The following TTYH3 variants were observed in gnomAD, a reference collection of about 807,000 sequenced individuals.
The protein encoded by TTYH3 is tweety family member 3.
In TTYH3, 23 loss-of-function variants were observed where a neutral mutation model predicts 68.2. The ratio of observed to expected loss-of-function variants is 0.34; its 90% CI spans 0.24 to 0.48. The LOEUF is 0.48. Among genes scored for constraint, TTYH3 ranks in the 20% least tolerant of loss-of-function variants. The pLI, the probability that TTYH3 is intolerant of heterozygous loss-of-function variation, is 0.99. For synonymous variants in TTYH3, 360 were observed against 332.8 expected (o/e 1.08, Z -0.89); for missense variants, 768 against 727.7 (o/e 1.06, Z -0.64).
At chr7:2,657,395 ATGG>A (rs768827730) in intron 11 of TTYH3, among the ~76,000 whole-genome samples, 17 of 141,576 alleles carry the variant, frequency 1.2e-4, no homozygotes, top group Middle Eastern at 3.6e-3. Context: ...GATGGTGATG[ATGG>A]TGGTGGTGGT....
chr7:2,655,666 G>A (rs983901283), intron 9 of TTYH3, among the ~76,000 whole-genome samples: 5 of 152,242 alleles, frequency 3.3e-5, no homozygotes, highest in Non-Finnish European at 7.3e-5. Flanking sequence ...ACAGGACTGC[G>A]CTCACTCTGC....
Position 2,656,613 on chromosome 7 carries a change from G to A in TTYH3, c.1250+79G>A, listed in dbSNP as rs1178058151. 3 of 1,515,418 alleles carry A rather than the reference G, an allele frequency of 2.0e-6. No individual in the cohort carries two copies. The African/African-American group carries it at 4.2e-5, about 21-fold the overall frequency. 93.9% of individuals were successfully genotyped at this position (1,515,418 alleles called of 1,614,324 possible). A position where few individuals can be genotyped will look rare whatever the true frequency, so the allele number is the denominator to read the frequency against. On this transcript the variant is annotated intron_variant, in intron 11 of 13. Coordinates refer to ENST00000258796, the MANE Select transcript of TTYH3 (RefSeq NM_025250.3). ...GACACTTCAGGGGCATGCCTTTATG[G>A]ACACCCATGTGCCAGTCCCAGAGGT...
In TTYH3 at chr7:2,635,920, G is replaced by C. The variant is rs569806325; in HGVS notation, c.123+3642G>C. On this transcript the variant is annotated intron_variant, in intron 1 of 13. Transcript: ENST00000258796. The stretch of plus-strand genomic sequence containing the variant: ...GCAGGTGCAAAGGCCCTGAGGCAGA[G>C]AGAAGCTTGAGCCTCGGGGAGAGGC... Among the ~76,000 whole-genome samples the C allele has an allele frequency of 2.3e-3, 358 of 152,346 alleles. 2 individuals are homozygous for C. Among genetic ancestry groups the C allele is most frequent in the African/African-American group, 8.2e-3 (341 of 41,582 alleles).
At position 2,661,688 on chromosome 7, in the gene TTYH3, C is replaced by G; in HGVS notation, c.1521C>G (p.Ala507=). The change falls in exon 14 of 14, where the codon GCC becomes GCG. Residue 507 remains alanine (A), a synonymous_variant. Coordinates refer to ENST00000258796, the MANE Select transcript of TTYH3 (RefSeq NM_025250.3). ...PPPSYTSSMR[A]KYLATSQPRP... ...TCCAGTACACCTCCAGCATGAGAGC[C>G]AAATACCTCGCCACGAGCCAGCCTC... The G allele has an allele frequency of 6.2e-7, 1 of 1,612,078 alleles. No homozygotes were observed. The highest frequency in any genetic ancestry group is 8.5e-7 in the Non-Finnish European group (1 of 1,179,446).
intron 1 of TTYH3, among the ~76,000 whole-genome samples, chr7:2,646,634 C>T (rs1785991062): frequency 6.6e-6 from 1 of 152,212 alleles, no homozygotes; most frequent in African/African-American, 2.4e-5. Flanking sequence ...ATGGCGAGAC[C>T]GGGGTCCCAG....
At chr7:2,653,734 A>T (rs1051205381) in intron 9 of TTYH3, among the ~76,000 whole-genome samples, 1 of 152,170 alleles carries the variant, frequency 6.6e-6, no homozygotes, top group African/African-American at 2.4e-5. Context: ...GTGGTGGTAC[A>T]CGCCTGTAAT....
intron 5 of TTYH3, among the ~76,000 whole-genome samples, chr7:2,648,763 G>T (rs1006094313): frequency 6.6e-6 from 1 of 152,042 alleles, no homozygotes; most frequent in East Asian, 1.9e-4. Flanking sequence ...TGGTGGGGGG[G>T]GGTGCAGCTT....
chr7:2,637,024 A>T (rs1282324129), intron 1 of TTYH3, among the ~76,000 whole-genome samples: 1 of 151,898 alleles, frequency 6.6e-6, no homozygotes, highest in African/African-American at 2.4e-5. Flanking sequence ...TGGGGTGGTT[A>T]TTCTTGCTCA....
Position 2,647,190 on chromosome 7 carries a change from C to A in TTYH3, c.342C>A (p.Gly114=). Residue 114 remains glycine (G), a synonymous_variant, in exon 3 of 14, where the codon GGC becomes GGA. Coordinates refer to ENST00000258796, the MANE Select transcript of TTYH3 (RefSeq NM_025250.3). ...GFYGNGETSD[G]IHRATYSLRH... is the part of the protein sequence containing the mutation. ...ACGGCAACGGGGAGACCAGTGATGG[C>A]ATCCATAGGGCCACCTACTCGCTCC... 1 of 1,606,958 alleles carries A rather than the reference C, an allele frequency of 6.2e-7. No individual in the cohort carries two copies.
chr7:2,639,623 C>T (rs1433010056), intron 1 of TTYH3, among the ~76,000 whole-genome samples: 2 of 152,260 alleles, frequency 1.3e-5, no homozygotes, highest in East Asian at 3.8e-4. Context: ...GCCAGGACCA[C>T]AGCCGTCAGT....
At chr7:2,661,610 C>G in intron 13 of TTYH3, 58 bp from the exon 14 acceptor site, 1 of 1,559,710 alleles carries the variant, frequency 6.4e-7, no homozygotes, top group South Asian at 1.1e-5. Flanking sequence ...GGAAGGCGCC[C>G]CTGGCTGCGT....
Position 2,648,042 on chromosome 7 carries a change from G to A in TTYH3, c.710G>A (p.Gly237Asp). Reference protein sequence around the residue: ...VLVGLIRSSKGILVGVCLLGV... With the variant: ...VLVGLIRSSKDILVGVCLLGV... The stretch of plus-strand genomic sequence containing the variant: ...GTTGGCCTCATCCGCAGCTCCAAGG[G>A]CATCCTGGTGGGGTGAGTCTGGGGG... Residue 237 changes from glycine to aspartate, a missense_variant, in exon 5 of 14, where the codon GGC (glycine) becomes GAC (aspartate). Physicochemically the swap from Gly to Asp is moderately conservative, Grantham distance 94. Coordinates refer to ENST00000258796, the MANE Select transcript of TTYH3 (RefSeq NM_025250.3). The A allele has an allele frequency of 2.5e-6, 4 of 1,609,556 alleles. No homozygotes were observed. The highest frequency in any genetic ancestry group is 1.1e-5 in the South Asian group (1 of 91,042).
intron 13 of TTYH3, chr7:2,660,105 A>G: frequency 4.0e-6 from 5 of 1,255,698 alleles, no homozygotes; most frequent in South Asian, 1.3e-5. Flanking sequence ...TCCACCCTGC[A>G]CTCACTGCCG....
At chr7:2,652,508 C>G (rs1280324326) in intron 8 of TTYH3, among the ~76,000 whole-genome samples, 1 of 152,144 alleles carries the variant, frequency 6.6e-6, no homozygotes, top group East Asian at 1.9e-4. Context: ...CTTGGATTGG[C>G]CTTGGTGGGG....
chr7:2,657,674 G>T (rs566644990), intron 11 of TTYH3, among the ~76,000 whole-genome samples: 1 of 152,326 alleles, frequency 6.6e-6, no homozygotes, highest in South Asian at 2.1e-4. Context: ...CACAGCTGGA[G>T]TGTCGAGTGG....
intron 8 of TTYH3, 23 bp from the exon 9 acceptor site, chr7:2,652,895 A>G: frequency 6.5e-7 from 1 of 1,545,692 alleles, no homozygotes; most frequent in Admixed American, 2.0e-5. Flanking sequence ...GCGCCCATGG[A>G]CTTGGTCTCC....
In TTYH3 at chr7:2,633,129, G is replaced by C. The variant is rs73279481; in HGVS notation, c.123+851G>C. 4.2e-3 allele frequency among the ~76,000 whole-genome samples: 640 copies of C among 152,300 alleles called. 5 individuals are homozygous for C. Among genetic ancestry groups the C allele is most frequent in the African/African-American group, 0.014 (590 of 41,574 alleles). ...GCCAAGCTACTGTCATTTGAGTGCG[G>C]GGCAGGGGACCAAGCTGTGGGCATT... On this transcript the variant is annotated intron_variant, in intron 1 of 13. Transcript: ENST00000258796.
chr7:2,658,990 T>C lies in TTYH3; in HGVS notation c.1475T>C (p.Ile492Thr). 2 of 1,614,054 alleles carry C rather than the reference T, an allele frequency of 1.2e-6. No homozygotes were observed. The highest frequency in any genetic ancestry group is 2.2e-5 in the East Asian group (1 of 44,882). ...QNPRCENTPL[I>T]GRESPPPSYT... ...CCCCGCTGTGAGAACACCCCACTCA[T>C]TGGGCGCGAGTCCCCGCCGCCCTCA... Residue 492 changes from isoleucine to threonine, a missense_variant, in exon 13 of 14, where the codon ATT becomes ACT. By Grantham distance (89) the Ile-to-Thr change is moderately conservative. Coordinates refer to ENST00000258796, the MANE Select transcript of TTYH3 (RefSeq NM_025250.3).
chr7:2,652,315 C>G, intron 8 of TTYH3, 73 bp downstream of exon 8: 1 of 1,388,836 alleles, frequency 7.2e-7, no homozygotes, highest in Non-Finnish European at 1.0e-6. Flanking sequence ...AGGGGCCCAG[C>G]AGGCCTGGCG....
Sources: gnomAD v4.1 joint callset for allele counts (sites outside exome capture counted in the v4.1 genomes callset) on GRCh38, gnomAD v4.1.1 for gene constraint, MANE v1.5 for transcripts, NCBI Gene and HGNC (gene_info 2026-07-23, HGNC 2026-07-21) for gene names.